The following PAFAH1B1 variants were observed in gnomAD, a reference collection of about 807,000 sequenced individuals.
PAFAH1B1 encodes the protein platelet-activating factor acetylhydrolase IB subunit beta.
In PAFAH1B1, 2 loss-of-function variants were observed where a neutral mutation model predicts 57.5. That is an observed-to-expected ratio of 0.03 (90% confidence interval 0.01 to 0.11). PAFAH1B1 has a LOEUF of 0.11. Ranked by LOEUF, PAFAH1B1 falls within the 10% of genes least tolerant of loss-of-function variation. The pLI is 1.00. For synonymous variants in PAFAH1B1, 152 were observed against 169.6 expected (o/e 0.90, Z 0.81); for missense variants, 257 against 512.0 (o/e 0.50, Z 4.81).
intron 5 of PAFAH1B1, among the ~76,000 whole-genome samples, chr17:2,669,016 T>G (rs2069145103): frequency 6.6e-6 from 1 of 152,238 alleles, no homozygotes; most frequent in Non-Finnish European, 1.5e-5. Flanking sequence ...TTTTACCTAT[T>G]AAATAAGAAT....
rs543137934 is a variant in PAFAH1B1, at chr17:2,626,232, C to T, written c.-190-11867C>T. ...TCACGCCACTGCACTCCAGCCTGGG[C>T]GACAGTGAGACTCCGTCTCAAAAAA... is the stretch of plus-strand genomic sequence containing the variant. On this transcript the variant is annotated intron_variant, in intron 1 of 10. Coordinates refer to ENST00000397195, the MANE Select transcript of PAFAH1B1 (RefSeq NM_000430.4). Among the ~76,000 whole-genome samples the T allele has an allele frequency of 9.9e-5, 15 of 150,892 alleles. 1 individual carries two copies. The highest frequency in any genetic ancestry group is 2.0e-4 in the East Asian group (1 of 5,094).
At chr17:2,671,597 T>A (rs1397861363) in intron 6 of PAFAH1B1, among the ~76,000 whole-genome samples, 30 of 110,776 alleles carry the variant, frequency 2.7e-4, no homozygotes, top group Non-Finnish European at 4.4e-4. Context: ...CAACACCACC[T>A]TTTTTTTTTT....
At chr17:2,613,267 C>A in intron 1 of PAFAH1B1, 2 of 190,996 alleles carry the variant, frequency 1.0e-5, no homozygotes, top group Non-Finnish European at 2.4e-5. Context: ...CCCCCACCCA[C>A]CCCTGGCCAC....
At chr17:2,658,641 G>A (rs1330322241) in intron 2 of PAFAH1B1, among the ~76,000 whole-genome samples, 4 of 152,078 alleles carry the variant, frequency 2.6e-5, no homozygotes, top group African/African-American at 9.7e-5. Flanking sequence ...TTGCTTGATG[G>A]GGAAGATAAA....
chr17:2,632,597 A>C (rs1026646296), intron 1 of PAFAH1B1, among the ~76,000 whole-genome samples: 3 of 152,180 alleles, frequency 2.0e-5, no homozygotes, highest in Non-Finnish European at 2.9e-5. Flanking sequence ...TGGGTTCTGC[A>C]TCTGTGAATT....
intron 1 of PAFAH1B1, among the ~76,000 whole-genome samples, chr17:2,600,043 G>C (rs1023870624): frequency 7.8e-6 from 1 of 128,244 alleles, no homozygotes; most frequent in Admixed American, 9.6e-5. Context: ...GCAGTGTCTC[G>C]ATCTCAGCTC....
intron 2 of PAFAH1B1, among the ~76,000 whole-genome samples, chr17:2,648,072 G>C (rs1346177260): frequency 2.0e-5 from 3 of 152,146 alleles, no homozygotes; most frequent in Non-Finnish European, 4.4e-5. Context: ...TGGCTGGCAG[G>C]CCTCAGGAAA....
At chr17:2,610,862 G>A (rs535708975) in intron 1 of PAFAH1B1, among the ~76,000 whole-genome samples, 1 of 152,314 alleles carries the variant, frequency 6.6e-6, no homozygotes, top group South Asian at 2.1e-4. Context: ...CATCACATGA[G>A]TCAGTCTGAA....
chr17:2,605,301 A>G (rs766956305), intron 1 of PAFAH1B1, among the ~76,000 whole-genome samples: 1 of 152,230 alleles, frequency 6.6e-6, no homozygotes, highest in Non-Finnish European at 1.5e-5. Context: ...GTTATTAGCC[A>G]TAGCAGAGAA....
intron 1 of PAFAH1B1, among the ~76,000 whole-genome samples, chr17:2,631,344 G>A (rs1310199799): frequency 6.6e-6 from 1 of 152,194 alleles, no homozygotes; most frequent in Non-Finnish European, 1.5e-5. Flanking sequence ...AGTCTGTGAA[G>A]TCTGCATGCC....
At chr17:2,673,906 C>G in intron 7 of PAFAH1B1, 154 bp from the exon 8 acceptor site, 1 of 628,108 alleles carries the variant, frequency 1.6e-6, no homozygotes, top group East Asian at 2.8e-5. Context: ...CTTATTGTTC[C>G]TACTTTAATT....
At chr17:2,643,348 G>A (rs1289861660) in intron 2 of PAFAH1B1, among the ~76,000 whole-genome samples, 1 of 152,090 alleles carries the variant, frequency 6.6e-6, no homozygotes. Flanking sequence ...CGAACTCCTG[G>A]GCTCAAGCTA....
intron 1 of PAFAH1B1, among the ~76,000 whole-genome samples, chr17:2,618,015 G>A (rs905337262): frequency 2.0e-5 from 3 of 152,154 alleles, no homozygotes; most frequent in Non-Finnish European, 4.4e-5. Flanking sequence ...TTGGGAGGCC[G>A]AGGTGGGTGG....
In PAFAH1B1 at chr17:2,593,677, G is replaced by T. The variant is rs1438513801; in HGVS notation, c.-520G>T. ...ACAGACGGAGCTGGAGCGGCGGGGC[G>T]GCGGCGGAGTCCGGCGGCCGGGAGA... On this transcript the variant is annotated 5_prime_UTR_variant, in exon 1 of 11. Coordinates refer to ENST00000397195, the MANE Select transcript of PAFAH1B1 (RefSeq NM_000430.4). The T allele has an allele frequency of 2.4e-5, 7 of 289,028 alleles. No homozygotes were observed. Among genetic ancestry groups the T allele is most frequent in the Non-Finnish European group, 4.4e-5 (7 of 159,036 alleles). The allele number at this position is 289,028 out of a possible 1,614,324, so 17.9% of individuals were successfully genotyped here.
chr17:2,595,919 G>A (rs1369860598), intron 1 of PAFAH1B1, among the ~76,000 whole-genome samples: 2 of 152,184 alleles, frequency 1.3e-5, no homozygotes, highest in African/African-American at 4.8e-5. Context: ...CAGCCATTGA[G>A]CCGAGAAGAC....
intron 1 of PAFAH1B1, among the ~76,000 whole-genome samples, chr17:2,602,275 G>A (rs1597508354): frequency 6.6e-6 from 1 of 151,818 alleles, no homozygotes; most frequent in African/African-American, 2.4e-5. Context: ...AACAGCGAGG[G>A]CCTATCAATT....
At chr17:2,650,057 C>T (rs536193516) in intron 2 of PAFAH1B1, among the ~76,000 whole-genome samples, 1 of 152,272 alleles carries the variant, frequency 6.6e-6, no homozygotes, top group East Asian at 1.9e-4. Flanking sequence ...GTAAGTTTGA[C>T]TGTATCAAAA....
At chr17:2,676,482 A>C in intron 8 of PAFAH1B1, 23 bp from the exon 9 acceptor site, 2 of 1,470,652 alleles carry the variant, frequency 1.4e-6, no homozygotes, top group Non-Finnish European at 1.9e-6. Flanking sequence ...TGGGAAACTT[A>C]ATTTTTATTA....
rs1046930101 is a variant in PAFAH1B1 at position 2,665,605 on chromosome 17, T to G, written c.117+149T>G. 4 of 569,842 alleles carry G rather than the reference T, an allele frequency of 7.0e-6. No homozygotes were observed. In the African/African-American group the frequency reaches 7.6e-5, roughly 11 times the overall value. The allele number at this position is 569,842 out of a possible 1,614,324, so 35.3% of individuals were successfully genotyped here. A position where few individuals can be genotyped will look rare whatever the true frequency, so the allele number is the denominator to read the frequency against. ...ATTTTCACTCCTTTTTTTTTTATTT[T>G]TTATTTTAATTTTTGAGATGGAGTC... On this transcript the variant is annotated intron_variant, in intron 3 of 10. Transcript: ENST00000397195.
Sources: gnomAD v4.1 joint callset for allele counts (sites outside exome capture counted in the v4.1 genomes callset) on GRCh38, gnomAD v4.1.1 for gene constraint, MANE v1.5 for transcripts, NCBI Gene and HGNC (gene_info 2026-07-23, HGNC 2026-07-21) for gene names.